Variants in THSD7B observed in about 807,000 individuals in gnomAD.
THSD7B encodes thrombospondin type-1 domain-containing protein 7B.
Under a neutral mutation model 213.6 loss-of-function variants are expected in THSD7B, and 138 were observed. The observed-to-expected ratio is 0.65, with a 90% CI of 0.56 to 0.74. The LOEUF (loss-of-function observed/expected upper bound fraction) is 0.74, where lower values mean the gene tolerates loss of function less well. Ranked by LOEUF, THSD7B falls within the 30% of genes least tolerant of loss-of-function variation. THSD7B has a pLI of 0.00. For missense variants in THSD7B, 1,931 were observed against 1,991.5 expected (o/e 0.97, Z 0.58); for synonymous variants, 742 against 687.0 (o/e 1.08, Z -1.25).
chr2:137,611,266 A>G (rs1282737148), intron 17 of THSD7B, among the ~76,000 whole-genome samples: 2 of 151,946 alleles, frequency 1.3e-5, no homozygotes, highest in East Asian at 3.9e-4. Flanking sequence ...ATGAATATAT[A>G]TATATAATCT....
intron 15 of THSD7B, among the ~76,000 whole-genome samples, chr2:137,455,381 T>C (rs1389780437): frequency 1.3e-5 from 2 of 152,188 alleles, no homozygotes; most frequent in Non-Finnish European, 2.9e-5. Context: ...CCAAAAAGTC[T>C]TTACAATTTT....
intron 12 of THSD7B, among the ~76,000 whole-genome samples, chr2:137,333,812 A>T (rs1232663677): frequency 6.6e-6 from 1 of 152,128 alleles, no homozygotes; most frequent in African/African-American, 2.4e-5. Flanking sequence ...CATCATCCTA[A>T]TGCTACAGCA....
At chr2:137,575,495 A>G (rs1462032643) in intron 17 of THSD7B, among the ~76,000 whole-genome samples, 4 of 152,042 alleles carry the variant, frequency 2.6e-5, no homozygotes, top group Non-Finnish European at 5.9e-5. Flanking sequence ...ATAACTTTGA[A>G]TGAATGGATT....
chr2:137,313,184 G>T (rs1683966218), intron 12 of THSD7B, among the ~76,000 whole-genome samples: 1 of 152,048 alleles, frequency 6.6e-6, no homozygotes, highest in South Asian at 2.1e-4. Context: ...TATGAATCTG[G>T]GTGCTCCTGT....
chr2:137,425,245 C>A (rs1251779132), intron 14 of THSD7B, among the ~76,000 whole-genome samples: 1 of 151,518 alleles, frequency 6.6e-6, no homozygotes, highest in African/African-American at 2.4e-5. Context: ...GAGACGGAGT[C>A]TTGCTCTGTT....
chr2:137,550,781 T>C (rs1680831613), intron 15 of THSD7B, among the ~76,000 whole-genome samples: 1 of 152,056 alleles, frequency 6.6e-6, no homozygotes, highest in African/African-American at 2.4e-5. Flanking sequence ...TGGCTTGATT[T>C]TGAGGACCTC....
At chr2:136,795,434 A>C (rs1682043768) in intron 1 of THSD7B, among the ~76,000 whole-genome samples, 1 of 151,900 alleles carries the variant, frequency 6.6e-6, no homozygotes, top group African/African-American at 2.4e-5. Context: ...AATCCAGAAT[A>C]ATCTTTCTGT....
At chr2:136,892,793 A>G (rs1372945677) in intron 2 of THSD7B, among the ~76,000 whole-genome samples, 1 of 152,082 alleles carries the variant, frequency 6.6e-6, no homozygotes, top group Non-Finnish European at 1.5e-5. Context: ...TAGAGTGTCT[A>G]GGTCCCAAGC....
chr2:137,629,988 C>T (rs78253943), intron 20 of THSD7B, among the ~76,000 whole-genome samples: 4,435 of 145,752 alleles, frequency 0.03, 167 homozygotes, highest in African/African-American at 0.089. Flanking sequence ...TATTTGCGCC[C>T]AACTTCAATT....
chr2:137,508,691 A>C (rs918157678), intron 15 of THSD7B, among the ~76,000 whole-genome samples: 2 of 151,734 alleles, frequency 1.3e-5, no homozygotes, highest in Admixed American at 1.3e-4. Context: ...TTTTAAACTA[A>C]ATTAGTTAAG....
chr2:137,084,762 A>G (rs1687807737), intron 3 of THSD7B, among the ~76,000 whole-genome samples: 1 of 152,218 alleles, frequency 6.6e-6, no homozygotes, highest in Non-Finnish European at 1.5e-5. Flanking sequence ...GAAGAGTTGA[A>G]CAACCTGCAT....
chr2:137,295,843 A>C (rs947177091), intron 12 of THSD7B, among the ~76,000 whole-genome samples: 2 of 152,084 alleles, frequency 1.3e-5, no homozygotes, highest in African/African-American at 4.8e-5. Flanking sequence ...CATGGTGGCT[A>C]GTTTGTTTTC....
At chr2:137,074,286 A>G (rs1687567717) in intron 3 of THSD7B, among the ~76,000 whole-genome samples, 1 of 152,134 alleles carries the variant, frequency 6.6e-6, no homozygotes, top group Admixed American at 6.5e-5. Flanking sequence ...GGGTGCATAT[A>G]TATTTAGGAT....
At chr2:136,805,458 G>T (rs1378700687) in intron 1 of THSD7B, among the ~76,000 whole-genome samples, 2 of 152,228 alleles carry the variant, frequency 1.3e-5, no homozygotes, top group East Asian at 3.9e-4. Context: ...AAATTCCAAA[G>T]TGGTGGCCAT....
intron 5 of THSD7B, among the ~76,000 whole-genome samples, chr2:137,136,087 G>C (rs1489012379): frequency 3.3e-5 from 5 of 152,120 alleles, no homozygotes; most frequent in Non-Finnish European, 7.3e-5. Flanking sequence ...TTACTCATAA[G>C]TGGGAATTGA....
chr2:137,537,452 G>A (rs1680528636), intron 15 of THSD7B, among the ~76,000 whole-genome samples: 1 of 151,642 alleles, frequency 6.6e-6, no homozygotes, highest in Admixed American at 6.6e-5. Flanking sequence ...AATAGTGATA[G>A]TTAATCTGGC....
At chr2:137,421,131 T>A (rs981250908) in intron 14 of THSD7B, among the ~76,000 whole-genome samples, 2 of 152,158 alleles carry the variant, frequency 1.3e-5, no homozygotes, top group African/African-American at 2.4e-5. Context: ...ACGCTGACTG[T>A]GTTTTTCCTC....
intron 25 of THSD7B, among the ~76,000 whole-genome samples, chr2:137,662,242 C>CTTTTT (rs57630973): frequency 3.2e-5 from 3 of 92,420 alleles, no homozygotes; most frequent in Non-Finnish European, 4.3e-5. Context: ...TTTTTTTTTT[C>CTTTTT]TTTTTTTTTT....
intron 12 of THSD7B, among the ~76,000 whole-genome samples, chr2:137,333,766 C>A (rs1033286657): frequency 1.3e-5 from 2 of 152,140 alleles, no homozygotes; most frequent in Admixed American, 6.6e-5. Flanking sequence ...TGCTTAGAAA[C>A]CTTCTGTTAT....
Sources: allele counts gnomAD v4.1 joint callset (sites outside exome capture counted in the v4.1 genomes callset), GRCh38; gene constraint gnomAD v4.1.1; transcripts MANE v1.5; gene names NCBI Gene and HGNC (gene_info 2026-07-23, HGNC 2026-07-21).